AZGP1: variants seen among roughly 807,000 people sequenced by gnomAD.
AZGP1 encodes alpha-2-glycoprotein 1, zinc-binding, also known as zinc-alpha-2-glycoprotein.
A neutral mutation model predicts 31.5 loss-of-function variants in AZGP1; 28 were observed. The observed-to-expected ratio is 0.89, with a 90% confidence interval of 0.66 to 1.22. The LOEUF (loss-of-function observed/expected upper bound fraction) is 1.22, where lower values mean the gene tolerates loss of function less well. Ranked by LOEUF, AZGP1 falls within the 50% of genes most tolerant of loss-of-function variation. The pLI is 0.00. For synonymous variants in AZGP1, 135 were observed against 145.4 expected (o/e 0.93, Z 0.51); for missense variants, 361 against 371.8 (o/e 0.97, Z 0.24).
At chr7:99,974,994 C>T (rs1789634715) in intron 1 of AZGP1, among the ~76,000 whole-genome samples, 1 of 152,132 alleles carries the variant, frequency 6.6e-6, no homozygotes, top group Non-Finnish European at 1.5e-5. Flanking sequence ...AGCCTGCTGG[C>T]CGGCTCTGAA....
In AZGP1 at chr7:99,966,756, A is replaced by C; in HGVS notation, c.*247T>G. ...GCTAGGCAAGGAGGGATGATTATTT[A>C]TTAGCTTCTACAGATTAGACAATGG... is the stretch of plus-strand genomic sequence containing the variant. On this transcript the variant is annotated 3_prime_UTR_variant, in exon 4 of 4. Coordinates refer to ENST00000292401, the MANE Select transcript of AZGP1 (RefSeq NM_001185.4). 1 of 558,076 alleles carries C rather than the reference A, an allele frequency of 1.8e-6. No individual in the cohort carries two copies. The highest frequency in any genetic ancestry group is 3.1e-6 in the Non-Finnish European group (1 of 321,978). 34.6% of individuals were successfully genotyped at this position (558,076 alleles called of 1,614,324 possible). A position where few individuals can be genotyped will look rare whatever the true frequency, so the allele number is the denominator to read the frequency against.
At chr7:99,972,836 G>A (rs534999266) in intron 1 of AZGP1, among the ~76,000 whole-genome samples, 7 of 151,752 alleles carry the variant, frequency 4.6e-5, no homozygotes, top group East Asian at 3.9e-4. Flanking sequence ...TTAACATTTC[G>A]TCCGGGCTCA....
At chr7:99,974,782 G>T (rs1789631695) in intron 1 of AZGP1, among the ~76,000 whole-genome samples, 1 of 151,832 alleles carries the variant, frequency 6.6e-6, no homozygotes, top group Non-Finnish European at 1.5e-5. Flanking sequence ...CACATACTAT[G>T]CACCCACAGT....
intron 1 of AZGP1, 104 bp from the exon 2 acceptor site, chr7:99,972,110 G>T: frequency 7.5e-7 from 1 of 1,341,228 alleles, no homozygotes; most frequent in Non-Finnish European, 1.0e-6. Flanking sequence ...TTCTTCCCCA[G>T]CTCTTTCTCC....
chr7:99,974,150 G>A (rs1461566496), intron 1 of AZGP1, among the ~76,000 whole-genome samples: 4 of 152,060 alleles, frequency 2.6e-5, no homozygotes, highest in East Asian at 3.9e-4. Context: ...GTGTACACCC[G>A]AGGCAAGATA....
chr7:99,969,068 G>T (rs1195564428), intron 2 of AZGP1, among the ~76,000 whole-genome samples: 1 of 149,258 alleles, frequency 6.7e-6, no homozygotes, highest in African/African-American at 2.5e-5. Flanking sequence ...TAGGTCATGA[G>T]TTCGAGACCA....
intron 1 of AZGP1, among the ~76,000 whole-genome samples, chr7:99,975,290 A>C (rs1789642076): frequency 6.6e-6 from 1 of 151,972 alleles, no homozygotes; most frequent in Non-Finnish European, 1.5e-5. Flanking sequence ...CTTTTCTGAC[A>C]ATTTGTAAAT....
At chr7:99,972,046 G>A in intron 1 of AZGP1, 40 bp from the exon 2 acceptor site, 2 of 1,562,672 alleles carry the variant, frequency 1.3e-6, no homozygotes, top group Non-Finnish European at 1.7e-6. Flanking sequence ...GTCCATGCAA[G>A]GGTCCCACTG....
At chr7:99,974,123 G>A (rs553267337) in intron 1 of AZGP1, among the ~76,000 whole-genome samples, 1 of 151,886 alleles carries the variant, frequency 6.6e-6, no homozygotes, top group East Asian at 1.9e-4. Flanking sequence ...AAATACATAA[G>A]TTAGCCGTGT....
At chr7:99,968,696 C>T (rs1262334102) in intron 2 of AZGP1, 1 of 479,666 alleles carries the variant, frequency 2.1e-6, no homozygotes, top group Non-Finnish European at 3.6e-6. Flanking sequence ...GGCGCTGTGG[C>T]TCATGCCTGT....
intron 1 of AZGP1, among the ~76,000 whole-genome samples, chr7:99,972,327 A>T (rs1232116357): frequency 6.6e-6 from 1 of 152,180 alleles, no homozygotes; most frequent in Admixed American, 6.5e-5. Context: ...AGCAGAAGTG[A>T]TGTCTTTCTT....
At chr7:99,968,620 G>A (rs1789530664) in intron 2 of AZGP1, 190 bp from the exon 3 acceptor site, 2 of 707,358 alleles carry the variant, frequency 2.8e-6, no homozygotes, top group Non-Finnish European at 4.6e-6. Context: ...GGCTAACTCA[G>A]TTTGGTTTGG....
intron 1 of AZGP1, among the ~76,000 whole-genome samples, chr7:99,975,469 A>T (rs930274372): frequency 2.6e-5 from 4 of 152,064 alleles, no homozygotes; most frequent in Non-Finnish European, 5.9e-5. Context: ...GACCCACTGC[A>T]GTGGTGTCTG....
chr7:99,967,454 T>C, intron 3 of AZGP1, 168 bp from the exon 4 acceptor site: 4 of 749,394 alleles, frequency 5.3e-6, no homozygotes, highest in Non-Finnish European at 8.5e-6. Flanking sequence ...AGGCTGACGC[T>C]TTCCCTCTTG....
chr7:99,974,967 C>A (rs764171887), intron 1 of AZGP1, among the ~76,000 whole-genome samples: 2 of 152,152 alleles, frequency 1.3e-5, no homozygotes, highest in Non-Finnish European at 2.9e-5. Context: ...AAGACATCAA[C>A]TCTTCCCTGG....
Position 99,968,962 on chromosome 7 carries a change from C to CA in AZGP1, c.338-533dup, listed in dbSNP as rs869115613. Among the ~76,000 whole-genome samples, 252 of 26,690 alleles carry CA rather than the reference C, an allele frequency of 9.4e-3. 80 individuals carry two copies. Among genetic ancestry groups the CA allele is most frequent in the South Asian group, 0.031 (9 of 286 alleles). The allele number at this position is 26,690 out of a possible 152,430, so 17.5% of individuals were successfully genotyped here. ...TGGGTGACAGAGTGAGACCCTATCT[C>CA]AAAAAAAAAAAAAAAAAAAAAAAAA... On this transcript the variant is annotated intron_variant, in intron 2 of 3. Coordinates refer to ENST00000292401, the MANE Select transcript of AZGP1 (RefSeq NM_001185.4).
chr7:99,969,847 T>C (rs1789550509), intron 2 of AZGP1, among the ~76,000 whole-genome samples: 2 of 152,240 alleles, frequency 1.3e-5, no homozygotes, highest in African/African-American at 4.8e-5. Context: ...TGGTGTTTGA[T>C]ATCTTTATCC....
intron 2 of AZGP1, among the ~76,000 whole-genome samples, chr7:99,971,148 T>C (rs1004172149): frequency 2.6e-5 from 4 of 152,210 alleles, no homozygotes; most frequent in Non-Finnish European, 5.9e-5. Flanking sequence ...CAAATTTCAA[T>C]TGAGCCAATA....
chr7:99,971,479 G>T (rs1789575881), intron 2 of AZGP1: 3 of 442,086 alleles, frequency 6.8e-6, no homozygotes, highest in Non-Finnish European at 1.2e-5. Flanking sequence ...GAGGTGAGAG[G>T]TCATAGGTGC....
Sources: gnomAD v4.1 joint callset for allele counts (sites outside exome capture counted in the v4.1 genomes callset) on GRCh38, gnomAD v4.1.1 for gene constraint, MANE v1.5 for transcripts, NCBI Gene and HGNC (gene_info 2026-07-23, HGNC 2026-07-21) for gene names.